Variants in FSTL4 observed in about 807,000 individuals in gnomAD.
FSTL4 encodes follistatin like 4.
FSTL4 carries 28 observed loss-of-function variants against 78.2 expected under a neutral mutation model. The observed-to-expected ratio is 0.36, with a 90% CI of 0.27 to 0.49. The LOEUF (loss-of-function observed/expected upper bound fraction) is 0.49. Among genes scored for constraint, FSTL4 ranks in the 20% least tolerant of loss-of-function variants. The pLI, the probability that FSTL4 is intolerant of heterozygous loss-of-function variation, is 0.98. For synonymous variants in FSTL4, 422 were observed against 440.5 expected (o/e 0.96, Z 0.53); for missense variants, 922 against 1,084.9 (o/e 0.85, Z 2.11).
chr5:133,607,455 G>A (rs1761001772), intron 1 of FSTL4, among the ~76,000 whole-genome samples: 1 of 152,136 alleles, frequency 6.6e-6, no homozygotes, highest in South Asian at 2.1e-4. Flanking sequence ...TCTACTCCAT[G>A]ATGGGGGCAA....
At chr5:133,404,692 G>T (rs1407430121) in intron 3 of FSTL4, among the ~76,000 whole-genome samples, 1 of 152,128 alleles carries the variant, frequency 6.6e-6, no homozygotes, top group African/African-American at 2.4e-5. Flanking sequence ...TGGTGTAATT[G>T]AGCGGTTGTG....
chr5:133,785,870 C>T, the FSTL4 span, among the ~76,000 whole-genome samples: 1 of 152,190 alleles, frequency 6.6e-6, no homozygotes, highest in Non-Finnish European at 1.5e-5. Flanking sequence ...ATGCCCTAGT[C>T]ACCAGCAGCA....
chr5:133,267,627 TC>T (rs200122682), intron 6 of FSTL4, among the ~76,000 whole-genome samples: 2,323 of 152,252 alleles, frequency 0.015, 51 homozygotes, highest in African/African-American at 0.051. Flanking sequence ...GGTGTTGCTC[TC>T]CTGCCAGTGG....
intron 6 of FSTL4, among the ~76,000 whole-genome samples, chr5:133,297,054 TCATA>T (rs1218954664): frequency 1.3e-5 from 2 of 152,112 alleles, no homozygotes; most frequent in Non-Finnish European, 2.9e-5. Flanking sequence ...CTTCCAGAGT[TCATA>T]ATTGCACCCT....
At chr5:133,714,342 C>T in the FSTL4 span, among the ~76,000 whole-genome samples, 13 of 152,206 alleles carry the variant, frequency 8.5e-5, no homozygotes, top group South Asian at 2.1e-4. Flanking sequence ...CTATGACTCA[C>T]GTACTCATTT....
intron 2 of FSTL4, among the ~76,000 whole-genome samples, chr5:133,573,268 A>ACAAAC (rs1301249702): frequency 5.3e-5 from 8 of 151,976 alleles, no homozygotes; most frequent in African/African-American, 1.9e-4. Flanking sequence ...ACAAAACAAA[A>ACAAAC]CAAAAAAAAT....
intron 4 of FSTL4, among the ~76,000 whole-genome samples, chr5:133,357,963 C>T (rs938733940): frequency 1.3e-5 from 2 of 152,334 alleles, no homozygotes; most frequent in Non-Finnish European, 2.9e-5. Flanking sequence ...GAGGACCAGT[C>T]GGCTTGGGCT....
At chr5:133,824,065 C>A in the FSTL4 span, among the ~76,000 whole-genome samples, 1 of 152,222 alleles carries the variant, frequency 6.6e-6, no homozygotes, top group African/African-American at 2.4e-5. Flanking sequence ...CAAGACAATA[C>A]TTCTGACACC....
At chr5:133,229,048 C>T (rs1396121410) in intron 8 of FSTL4, among the ~76,000 whole-genome samples, 2 of 152,150 alleles carry the variant, frequency 1.3e-5, no homozygotes, top group African/African-American at 4.8e-5. Flanking sequence ...GCTTATACAC[C>T]AGCAATGGCC....
the FSTL4 span, among the ~76,000 whole-genome samples, chr5:133,803,110 A>G: frequency 6.6e-6 from 1 of 152,136 alleles, no homozygotes; most frequent in Non-Finnish European, 1.5e-5. Context: ...AGAGAGAAAG[A>G]CCATCATTTG....
chr5:133,806,831 G>A, the FSTL4 span, among the ~76,000 whole-genome samples: 1 of 152,170 alleles, frequency 6.6e-6, no homozygotes, highest in African/African-American at 2.4e-5. Context: ...AACCTGGAGG[G>A]GGGCACCCTG....
At chr5:133,676,913 C>T in the FSTL4 span, among the ~76,000 whole-genome samples, 3 of 152,158 alleles carry the variant, frequency 2.0e-5, no homozygotes, top group Non-Finnish European at 4.4e-5. Flanking sequence ...AGTACTTTTC[C>T]ACCACGAGGG....
chr5:133,468,709 G>C (rs191043463), intron 3 of FSTL4, among the ~76,000 whole-genome samples: 1 of 152,102 alleles, frequency 6.6e-6, no homozygotes, highest in African/African-American at 2.4e-5. Flanking sequence ...TGGCAGCACC[G>C]GGCAAACTCC....
chr5:133,225,735 A>G lies in FSTL4; in HGVS notation c.1100T>C (p.Ile367Thr), dbSNP rs931624335. The G allele has an allele frequency of 1.2e-6, 2 of 1,612,628 alleles. No homozygotes were observed. Among genetic ancestry groups the G allele is most frequent in the African/African-American group, 2.7e-5 (2 of 74,908 alleles). The stretch of plus-strand genomic sequence containing the variant: ...CAGCCAAGTGATTCTGGGCATGGGA[A>G]TGCCCTCAGCATGGCATCTTAGGCT... ...AASLRCHAEG[I>T]PMPRITWLKN... The change falls in exon 9 of 16, where the codon ATT (isoleucine) becomes ACT (threonine). Residue 367 changes from isoleucine to threonine, a missense_variant. Transcript: ENST00000265342. The surrounding 1 kb of genome is among the most constrained non-coding windows in gnomAD (Gnocchi z 4.6).
the FSTL4 span, among the ~76,000 whole-genome samples, chr5:133,807,607 G>C: frequency 6.6e-6 from 1 of 152,216 alleles, no homozygotes; most frequent in African/African-American, 2.4e-5. Flanking sequence ...CAGTGAGGAT[G>C]CTCTGTAACC....
At chr5:133,513,136 A>G (rs939338911) in intron 3 of FSTL4, among the ~76,000 whole-genome samples, 28 of 152,192 alleles carry the variant, frequency 1.8e-4, no homozygotes, top group African/African-American at 6.5e-4. Context: ...AAGATTTTCT[A>G]GTATCTCACA....
the FSTL4 span, among the ~76,000 whole-genome samples, chr5:133,743,934 AT>A: frequency 1.3e-5 from 2 of 152,206 alleles, no homozygotes; most frequent in African/African-American, 4.8e-5. Context: ...TGCTGGGAAA[AT>A]TGAGATATAA....
the FSTL4 span, among the ~76,000 whole-genome samples, chr5:133,818,756 C>T: frequency 2.1e-3 from 314 of 151,052 alleles, no homozygotes; most frequent in Admixed American, 4.8e-3. Context: ...ACCCCTACAC[C>T]TTCCCCTGCC....
At chr5:133,321,006 C>CAAA (rs3976680) in intron 4 of FSTL4, among the ~76,000 whole-genome samples, 31,533 of 90,152 alleles carry the variant, frequency 0.35, 5,519 homozygotes, top group South Asian at 0.44. Flanking sequence ...GACTCCGTCT[C>CAAA]AAAAAAAAAA....
Sources: gnomAD v4.1 joint callset for allele counts (sites outside exome capture counted in the v4.1 genomes callset) on GRCh38, gnomAD v4.1.1 for gene constraint, Gnocchi (gnomAD v3.1) non-coding constraint, MANE v1.5 for transcripts, NCBI Gene and HGNC (gene_info 2026-07-23, HGNC 2026-07-21) for gene names.